Variants in PDE8B observed in about 807,000 individuals in gnomAD.
The protein encoded by PDE8B is high affinity cAMP-specific and IBMX-insensitive 3',5'-cyclic phosphodiesterase 8B.
A neutral mutation model predicts 101.3 loss-of-function variants in PDE8B; 26 were observed. The ratio of observed to expected loss-of-function variants is 0.26; its 90% confidence interval spans 0.19 to 0.36. The LOEUF (loss-of-function observed/expected upper bound fraction) is 0.36. Ranked by LOEUF, PDE8B falls within the 10% of genes least tolerant of loss-of-function variation. The pLI, the probability that PDE8B is intolerant of heterozygous loss-of-function variation, is 1.00. For missense variants in PDE8B, 810 were observed against 1,163.1 expected (o/e 0.70, Z 4.42); for synonymous variants, 424 against 429.3 (o/e 0.99, Z 0.15).
At chr5:77,178,422 C>A in the PDE8B span, among the ~76,000 whole-genome samples, 1 of 152,266 alleles carries the variant, frequency 6.6e-6, no homozygotes, top group East Asian at 1.9e-4. Flanking sequence ...TCAGCCTGCA[C>A]TTAATGCTTT....
At chr5:77,407,510 C>T (rs7705337) in intron 13 of PDE8B, 53 bp downstream of exon 13, 46,225 of 1,296,906 alleles carry the variant, frequency 0.036, 1,321 homozygotes, top group African/African-American at 0.14. Context: ...CACACAGGGC[C>T]GTGCTCTGAA....
intron 2 of PDE8B, among the ~76,000 whole-genome samples, chr5:77,314,696 T>TC (rs1426925022): frequency 6.6e-6 from 1 of 152,138 alleles, no homozygotes; most frequent in Admixed American, 6.5e-5. Context: ...TGCTTTTTTT[T>TC]CTTCTCTTGC....
the PDE8B span, among the ~76,000 whole-genome samples, chr5:77,104,356 A>G: frequency 6.6e-6 from 1 of 152,208 alleles, no homozygotes. Context: ...TCTATTCAAA[A>G]TTCATACTGA....
the PDE8B span, among the ~76,000 whole-genome samples, chr5:77,196,927 G>T: frequency 6.6e-6 from 1 of 151,882 alleles, no homozygotes; most frequent in Non-Finnish European, 1.5e-5. Flanking sequence ...GATATTTTTG[G>T]ATATTTCTAG....
At chr5:77,213,828 G>C (rs569296151) in intron 1 of PDE8B, 5 of 151,646 alleles carry the variant, frequency 3.3e-5, no homozygotes, top group African/African-American at 1.2e-4. Context: ...CTCTTTTCTA[G>C]CAATAATTCA....
chr5:77,116,206 A>G, the PDE8B span, among the ~76,000 whole-genome samples: 1 of 89,380 alleles, frequency 1.1e-5, no homozygotes, highest in Admixed American at 1.1e-4. Context: ...GAGTTCTTCT[A>G]TATATATATA....
chr5:77,143,985 A>C, the PDE8B span: 1 of 152,060 alleles, frequency 6.6e-6, no homozygotes, highest in African/African-American at 2.4e-5. Context: ...CCAAGAACAG[A>C]AAATGTTTCC....
chr5:77,306,612 C>T (rs1226569894), intron 1 of PDE8B, among the ~76,000 whole-genome samples: 1 of 152,184 alleles, frequency 6.6e-6, no homozygotes, highest in East Asian at 1.9e-4. Context: ...CAACTGCTTT[C>T]CTTCCTGAAT....
the PDE8B span, among the ~76,000 whole-genome samples, chr5:77,135,908 C>A: frequency 2.0e-5 from 3 of 152,106 alleles, no homozygotes; most frequent in African/African-American, 7.2e-5. Context: ...TGAGCATTGG[C>A]AAATTTGAGG....
Position 77,363,729 on chromosome 5 carries a change from A to G in PDE8B, c.1167+10323A>G, listed in dbSNP as rs1200160361. Among the ~76,000 whole-genome samples the G allele has an allele frequency of 2.7e-5, 4 of 148,882 alleles. No individual in the cohort carries two copies. The East Asian group carries it at 7.8e-4, about 29-fold the overall frequency. ...TCCATCGCAGAAAAAAAAAAAAAAA[A>G]GAATATGTCATTGTAGGGAGAGATC... is the stretch of plus-strand genomic sequence containing the variant. On this transcript the variant is annotated intron_variant, in intron 10 of 21. Coordinates refer to ENST00000264917, the MANE Select transcript of PDE8B (RefSeq NM_003719.5).
the PDE8B span, among the ~76,000 whole-genome samples, chr5:77,193,190 C>T: frequency 2.0e-5 from 3 of 152,004 alleles, no homozygotes; most frequent in Middle Eastern, 3.2e-3. Flanking sequence ...TGCAATTTAT[C>T]ATGTTTTTCT....
rs1224436815 is a variant in PDE8B, at chr5:77,211,275, C to T, written c.339+11C>T. The T allele has an allele frequency of 2.6e-6, 4 of 1,548,844 alleles. No individual in the cohort carries two copies. The highest frequency in any genetic ancestry group is 1.4e-5 in the African/African-American group (1 of 72,738). ...TACACCAGCGTGAAGGTAAATGCCC[C>T]GCGCTGGCACACGCCGTGGGGGCCG... On this transcript the variant is annotated intron_variant, in intron 1 of 21. Transcript: ENST00000264917. The surrounding 1 kb of genome is among the most constrained non-coding windows in gnomAD (Gnocchi z 4.1).
intron 1 of PDE8B, among the ~76,000 whole-genome samples, chr5:77,252,986 G>A (rs1405913274): frequency 6.6e-6 from 1 of 152,032 alleles, no homozygotes; most frequent in Non-Finnish European, 1.5e-5. Flanking sequence ...TACTTTCAGA[G>A]GGCAAATATC....
chr5:77,332,081 G>A (rs1370312139), intron 5 of PDE8B, among the ~76,000 whole-genome samples: 1 of 152,180 alleles, frequency 6.6e-6, no homozygotes, highest in Non-Finnish European at 1.5e-5. Context: ...TGGAGGCAAA[G>A]CTGTGTGCCT....
intron 1 of PDE8B, among the ~76,000 whole-genome samples, chr5:77,255,624 T>A (rs1758975513): frequency 6.6e-6 from 1 of 152,214 alleles, no homozygotes; most frequent in Non-Finnish European, 1.5e-5. Context: ...TGCCTCCGTG[T>A]CTGCCTTGCA....
chr5:77,209,574 G>C (rs1435817962), upstream of PDE8B, among the ~76,000 whole-genome samples: 2 of 152,140 alleles, frequency 1.3e-5, no homozygotes, highest in Non-Finnish European at 2.9e-5. Context: ...TCTCGCAGCT[G>C]TAACTCAGAG....
the PDE8B span, among the ~76,000 whole-genome samples, chr5:77,132,415 GTTC>G: frequency 1.3e-5 from 2 of 152,184 alleles, no homozygotes; most frequent in African/African-American, 2.4e-5. Context: ...TTATAGGACA[GTTC>G]TTCTTATAAT....
chr5:77,153,181 AAGGTGG>A, the PDE8B span, among the ~76,000 whole-genome samples: 19 of 152,180 alleles, frequency 1.2e-4, no homozygotes, highest in African/African-American at 4.1e-4. Flanking sequence ...TCAGTGTGCC[AAGGTGG>A]AGAAACCCTG....
At chr5:77,423,635 T>TTG (rs200978860) in intron 20 of PDE8B, among the ~76,000 whole-genome samples, 4 of 51,504 alleles carry the variant, frequency 7.8e-5, no homozygotes, top group African/African-American at 9.7e-5. Context: ...TTGTTTAGTT[T>TTG]TTTTTTTTTT....
Sources: gnomAD v4.1 joint callset for allele counts (sites outside exome capture counted in the v4.1 genomes callset) on GRCh38, gnomAD v4.1.1 for gene constraint, Gnocchi (gnomAD v3.1) non-coding constraint, MANE v1.5 for transcripts, NCBI Gene and HGNC (gene_info 2026-07-23, HGNC 2026-07-21) for gene names.